Variants in TNKS observed in about 807,000 individuals in gnomAD.
TNKS encodes the protein poly [ADP-ribose] polymerase tankyrase-1.
In TNKS, 72 loss-of-function variants were observed where a neutral mutation model predicts 135.8. That is an observed-to-expected ratio of 0.53 (90% CI 0.44 to 0.64). The LOEUF (loss-of-function observed/expected upper bound fraction) is 0.64. TNKS is among the 30% of genes least tolerant of loss of function. TNKS has a pLI of 0.00. For missense variants in TNKS, 1,769 were observed against 1,674.0 expected, an observed-to-expected ratio of 1.06 and a Z score of -0.99; for synonymous variants, 849 against 649.3, an observed-to-expected ratio of 1.31 and a Z score of -4.68.
At chr8:9,680,265 A>G (rs1479148338) in intron 4 of TNKS, among the ~76,000 whole-genome samples, 4 of 152,140 alleles carry the variant, frequency 2.6e-5, no homozygotes, top group African/African-American at 9.7e-5. Flanking sequence ...GAGTATTTAA[A>G]TACCTATATC....
intron 12 of TNKS, among the ~76,000 whole-genome samples, chr8:9,724,887 T>G (rs1413490904): frequency 6.6e-6 from 1 of 152,208 alleles, no homozygotes; most frequent in African/African-American, 2.4e-5. Context: ...TTCAAATAGT[T>G]CTTAGATTTC....
chr8:9,679,928 C>T, intron 3 of TNKS, 23 bp from the exon 4 acceptor site: 1 of 1,602,542 alleles, frequency 6.2e-7, no homozygotes, highest in Non-Finnish European at 8.5e-7. Flanking sequence ...ATGCTAACAG[C>T]ATGATATTTT....
intron 1 of TNKS, chr8:9,566,546 T>C (rs1797548363): frequency 6.6e-6 from 1 of 151,782 alleles, no homozygotes; most frequent in Admixed American, 6.6e-5. Flanking sequence ...TCTGATCTTC[T>C]GACATTCTTA....
chr8:9,709,523 G>A (rs1047615089), intron 9 of TNKS, among the ~76,000 whole-genome samples: 8 of 151,484 alleles, frequency 5.3e-5, no homozygotes, highest in African/African-American at 1.9e-4. Flanking sequence ...CTTATCCTTG[G>A]GCATATAAAC....
intron 1 of TNKS, among the ~76,000 whole-genome samples, chr8:9,565,850 C>T (rs1404570088): frequency 1.3e-5 from 2 of 151,888 alleles, no homozygotes; most frequent in African/African-American, 4.8e-5. Flanking sequence ...GAGCAAGACT[C>T]CGTCTCAAAA....
At chr8:9,597,943 A>T (rs1310298940) in intron 2 of TNKS, among the ~76,000 whole-genome samples, 2 of 152,194 alleles carry the variant, frequency 1.3e-5, no homozygotes, top group Non-Finnish European at 2.9e-5. Flanking sequence ...GGAAACACAA[A>T]ACTCAGTTTA....
At chr8:9,671,681 C>T (rs1006119917) in intron 3 of TNKS, among the ~76,000 whole-genome samples, 2 of 152,088 alleles carry the variant, frequency 1.3e-5, no homozygotes, top group African/African-American at 4.8e-5. Flanking sequence ...GTGTAGTGTT[C>T]ACACAGCTGT....
chr8:9,620,533 A>C (rs1255202101), intron 3 of TNKS, among the ~76,000 whole-genome samples: 1 of 152,180 alleles, frequency 6.6e-6, no homozygotes, highest in Non-Finnish European at 1.5e-5. Context: ...CTCTGAATAA[A>C]ATTCAGATTC....
chr8:9,635,546 C>CA (rs1200967658), intron 3 of TNKS, among the ~76,000 whole-genome samples: 1 of 152,202 alleles, frequency 6.6e-6, no homozygotes, highest in Non-Finnish European at 1.5e-5. Context: ...ATATGATTCT[C>CA]AGCATGATTG....
At chr8:9,717,550 T>C (rs959891086) in intron 11 of TNKS, among the ~76,000 whole-genome samples, 3 of 152,188 alleles carry the variant, frequency 2.0e-5, no homozygotes, top group African/African-American at 7.2e-5. Flanking sequence ...GTTTGTTCAA[T>C]ATACAGAACA....
chr8:9,656,753 CA>C (rs1446832077), intron 3 of TNKS, among the ~76,000 whole-genome samples: 3 of 151,212 alleles, frequency 2.0e-5, no homozygotes, highest in Non-Finnish European at 4.4e-5. Context: ...TTTTCCTAGG[CA>C]GAGGACCCCA....
intron 5 of TNKS, among the ~76,000 whole-genome samples, chr8:9,691,396 C>T (rs1803261360): frequency 6.6e-6 from 1 of 152,164 alleles, no homozygotes; most frequent in Non-Finnish European, 1.5e-5. Flanking sequence ...TGTCTACTGA[C>T]CTATGGATCA....
At chr8:9,637,699 A>G (rs964426066) in intron 3 of TNKS, among the ~76,000 whole-genome samples, 24 of 152,194 alleles carry the variant, frequency 1.6e-4, no homozygotes, top group African/African-American at 2.4e-4. Context: ...AAAACCTAAT[A>G]AGGGAAAGTA....
At chr8:9,557,234 A>G (rs967247451) in intron 1 of TNKS, 10 of 152,356 alleles carry the variant, frequency 6.6e-5, no homozygotes, top group Admixed American at 6.5e-4. Context: ...TGTGGCCACT[A>G]TTATTTGTTG....
chr8:9,745,848 G>C (rs1806208552), intron 17 of TNKS, among the ~76,000 whole-genome samples: 1 of 152,038 alleles, frequency 6.6e-6, no homozygotes, highest in Non-Finnish European at 1.5e-5. Flanking sequence ...TCTAAAATTA[G>C]GAAATACAGA....
At chr8:9,566,851 A>T (rs997781428) in intron 1 of TNKS, among the ~76,000 whole-genome samples, 1 of 146,292 alleles carries the variant, frequency 6.8e-6, no homozygotes, top group African/African-American at 2.5e-5. Flanking sequence ...CTCATGATCC[A>T]CCCGCCTCGG....
chr8:9,733,187 G>T (rs1805528188), intron 14 of TNKS, 92 bp from the exon 15 acceptor site: 1 of 1,229,184 alleles, frequency 8.1e-7, no homozygotes, highest in Admixed American at 2.6e-5. Flanking sequence ...AGTATAGTCA[G>T]TACCATAGAA....
intron 5 of TNKS, among the ~76,000 whole-genome samples, chr8:9,702,797 C>G (rs1803870514): frequency 6.6e-6 from 1 of 152,202 alleles, no homozygotes; most frequent in South Asian, 2.1e-4. Flanking sequence ...GGGTGGATCA[C>G]TTGAGGTCAG....
chr8:9,772,850 T>TGG (rs1808009501), intron 26 of TNKS, among the ~76,000 whole-genome samples: 2 of 137,998 alleles, frequency 1.4e-5, no homozygotes, highest in South Asian at 4.7e-4. Flanking sequence ...TGTGTGTGTG[T>TGG]GTGTGTGTGT....
Sources: allele counts gnomAD v4.1 joint callset (sites outside exome capture counted in the v4.1 genomes callset), GRCh38; gene constraint gnomAD v4.1.1; transcripts MANE v1.5; gene names NCBI Gene and HGNC (gene_info 2026-07-23, HGNC 2026-07-21).